The following DLGAP4 variants were observed in gnomAD, a reference collection of about 807,000 sequenced individuals.
The protein encoded by DLGAP4 is disks large-associated protein 4.
DLGAP4 carries 18 observed loss-of-function variants against 86.9 expected under a neutral mutation model. The ratio of observed to expected loss-of-function variants is 0.21; its 90% CI spans 0.14 to 0.31. DLGAP4 has a LOEUF of 0.31. DLGAP4 is among the 10% of genes least tolerant of loss of function. The pLI, the probability that DLGAP4 is intolerant of heterozygous loss-of-function variation, is 1.00. For synonymous variants in DLGAP4, 548 were observed against 574.3 expected (o/e 0.95, Z 0.65); for missense variants, 1,085 against 1,362.6 (o/e 0.80, Z 3.21).
At chr20:36,424,892 C>T (rs866983431) in intron 2 of DLGAP4, among the ~76,000 whole-genome samples, 2 of 152,108 alleles carry the variant, frequency 1.3e-5, no homozygotes, top group African/African-American at 2.4e-5. Flanking sequence ...CAAGCCACCA[C>T]GTCTGGCTAA....
At chr20:36,518,954 T>TA (rs1280810251) in intron 10 of DLGAP4, among the ~76,000 whole-genome samples, 4 of 151,904 alleles carry the variant, frequency 2.6e-5, no homozygotes, top group Non-Finnish European at 2.9e-5. Flanking sequence ...CCATCTCTAC[T>TA]AAAAATACAA....
chr20:36,319,348 C>T (rs2065143372), intron 1 of DLGAP4, among the ~76,000 whole-genome samples: 1 of 152,138 alleles, frequency 6.6e-6, no homozygotes, highest in African/African-American at 2.4e-5. Context: ...GTGTCATTGC[C>T]TGTCTCAGAG....
intron 2 of DLGAP4, among the ~76,000 whole-genome samples, chr20:36,374,120 T>C (rs929976206): frequency 1.3e-5 from 2 of 152,128 alleles, no homozygotes; most frequent in African/African-American, 4.8e-5. Context: ...CCTTCGACTT[T>C]CCTGGAGTCA....
At chr20:36,459,875 G>A (rs1009265993) in intron 7 of DLGAP4, among the ~76,000 whole-genome samples, 1 of 152,200 alleles carries the variant, frequency 6.6e-6, no homozygotes, top group Non-Finnish European at 1.5e-5. Context: ...CCAAAGTGCT[G>A]GGATTACAGG....
intron 2 of DLGAP4, among the ~76,000 whole-genome samples, chr20:36,411,484 C>T (rs560286429): frequency 2.0e-5 from 3 of 152,166 alleles, no homozygotes; most frequent in Admixed American, 1.3e-4. Context: ...ATCTTTTACC[C>T]GGTCTCCTCA....
chr20:36,403,692 A>C lies in DLGAP4; in HGVS notation c.-72-27954A>C, dbSNP rs779729929. Among the ~76,000 whole-genome samples the C allele has an allele frequency of 2.0e-5, 3 of 152,356 alleles. No individual in the cohort carries two copies. The East Asian group carries it at 5.8e-4, about 29-fold the overall frequency. On this transcript the variant is annotated intron_variant, in intron 2 of 12. Coordinates refer to ENST00000339266, the MANE Select transcript of DLGAP4 (RefSeq NM_001365621.2). ...CAAAACAACTTTAGCAGCCTAAAAC[A>C]ACACTAAACACATGTTATCACACAG...
At chr20:36,499,160 A>C in intron 8 of DLGAP4, 11 of 1,357,972 alleles carry the variant, frequency 8.1e-6, no homozygotes, top group Non-Finnish European at 1.0e-5. Flanking sequence ...ACACCAGATA[A>C]CGGCTGTGGC....
rs138292511 is a variant in DLGAP4 at position 36,504,900 on chromosome 20, C to T, written c.2512+4289C>T. On this transcript the variant is annotated intron_variant, in intron 10 of 12. Transcript: ENST00000339266. ...CTTTATATATTATGGGTGCTAGACCCTCATCATATATATGATTTGCAGATA... is the reference window on the plus strand; with the variant it reads ...CTTTATATATTATGGGTGCTAGACCTTCATCATATATATGATTTGCAGATA... Among the ~76,000 whole-genome samples, 6 of 151,972 alleles carry T rather than the reference C, an allele frequency of 3.9e-5. No individual in the cohort carries two copies. In the East Asian group the frequency reaches 1.2e-3, roughly 29 times the overall value.
At chr20:36,438,763 C>T (rs527315395) in intron 4 of DLGAP4, among the ~76,000 whole-genome samples, 6 of 136,470 alleles carry the variant, frequency 4.4e-5, no homozygotes, top group Non-Finnish European at 9.1e-5. Context: ...GGCTGGAGTG[C>T]AGTGGCACAA....
intron 1 of DLGAP4, among the ~76,000 whole-genome samples, chr20:36,317,894 G>A (rs1206911428): frequency 6.6e-6 from 1 of 152,058 alleles, no homozygotes; most frequent in African/African-American, 2.4e-5. Context: ...GGCAGGGATG[G>A]TCTTCTGGAC....
chr20:36,356,525 T>G (rs1555893852), intron 1 of DLGAP4, among the ~76,000 whole-genome samples: 1 of 152,126 alleles, frequency 6.6e-6, no homozygotes, highest in Admixed American at 6.5e-5. Context: ...TTGGCCATGC[T>G]GGTCTCGAAC....
Position 36,345,837 on chromosome 20 carries a change from C to T in DLGAP4, c.-303-21208C>T, listed in dbSNP as rs181743634. Among the ~76,000 whole-genome samples, 331 of 152,144 alleles carry T rather than the reference C, an allele frequency of 2.2e-3. 8 individuals are homozygous for T. The highest frequency in any genetic ancestry group is 0.02 in the Admixed American group (313 of 15,284). On this transcript the variant is annotated intron_variant, in intron 1 of 12. Coordinates refer to ENST00000339266, the MANE Select transcript of DLGAP4 (RefSeq NM_001365621.2). ...CAGTGGCATAACCATGGCTCCCTGC[C>T]GCCTTGACCTCTCAGGCTCAAGTGA...
chr20:36,518,814 T>A (rs774258295), intron 10 of DLGAP4, among the ~76,000 whole-genome samples: 5 of 151,608 alleles, frequency 3.3e-5, no homozygotes, highest in African/African-American at 4.8e-5. Context: ...ATTTAAAAAA[T>A]AAATAAATAA....
chr20:36,478,640 A>G (rs1159289459), intron 7 of DLGAP4, among the ~76,000 whole-genome samples: 6 of 152,348 alleles, frequency 3.9e-5, no homozygotes, highest in East Asian at 3.9e-4. Flanking sequence ...TATCTACAGC[A>G]GCTTCTAAGC....
intron 10 of DLGAP4, among the ~76,000 whole-genome samples, chr20:36,513,122 C>A (rs2036818483): frequency 6.6e-6 from 1 of 151,168 alleles, no homozygotes; most frequent in East Asian, 2.0e-4. Context: ...GGGAGTTTTA[C>A]CAAGTTGCCC....
intron 7 of DLGAP4, among the ~76,000 whole-genome samples, chr20:36,481,844 T>C (rs1279754090): frequency 6.6e-6 from 1 of 152,240 alleles, no homozygotes; most frequent in Non-Finnish European, 1.5e-5. Flanking sequence ...TCTCTGGTCC[T>C]GTGACTTTCC....
At chr20:36,525,810 C>T (rs1463541691) in intron 11 of DLGAP4, 41 bp from the exon 12 acceptor site, 2 of 1,607,410 alleles carry the variant, frequency 1.2e-6, no homozygotes, top group African/African-American at 1.3e-5. Flanking sequence ...CAGGACAAGC[C>T]TCTGCTGAGC....
intron 10 of DLGAP4, among the ~76,000 whole-genome samples, chr20:36,501,453 T>C (rs1211224811): frequency 1.3e-5 from 2 of 152,232 alleles, no homozygotes; most frequent in Non-Finnish European, 2.9e-5. Context: ...ATGCTTTTAT[T>C]TTCTACTTAA....
chr20:36,439,777 TG>T lies in DLGAP4; in HGVS notation c.1267del (p.Asp423ThrfsTer37). On this transcript the variant is annotated frameshift_variant, in exon 5 of 13. Coordinates refer to ENST00000339266, the MANE Select transcript of DLGAP4 (RefSeq NM_001365621.2). LOFTEE classifies it high-confidence loss of function. Reference protein sequence around the residue: ...PRRSLDRLDSVDMLLPSKCPS... With the variant: ...PRRSLDRLDSXDMLLPSKCPS... Reference sequence around the variant, plus strand: ...AGGAGTCTGGACCGCCTGGATTCAGTGGACATGCTGCTGCCCTCCAAGTGTC... The same window carrying T: ...AGGAGTCTGGACCGCCTGGATTCAGTGACATGCTGCTGCCCTCCAAGTGTC... The T allele has an allele frequency of 6.2e-7, 1 of 1,613,662 alleles. No individual in the cohort carries two copies. The highest frequency in any genetic ancestry group is 2.2e-5 in the East Asian group (1 of 44,870).
Sources: gnomAD v4.1 joint callset for allele counts (sites outside exome capture counted in the v4.1 genomes callset) on GRCh38, gnomAD v4.1.1 for gene constraint, MANE v1.5 for transcripts, NCBI Gene and HGNC (gene_info 2026-07-23, HGNC 2026-07-21) for gene names.